The following DNAH8 variants were observed in gnomAD, a reference collection of about 807,000 sequenced individuals.
DNAH8 encodes the protein axonemal beta dynein heavy chain 8.
DNAH8 carries 382 observed loss-of-function variants against 562.1 expected under a neutral mutation model. The ratio of observed to expected loss-of-function variants is 0.68; its 90% CI spans 0.63 to 0.74. The LOEUF (loss-of-function observed/expected upper bound fraction) is 0.74, where lower values mean the gene tolerates loss of function less well. DNAH8 is among the 30% of genes least tolerant of loss of function. DNAH8 has a pLI of 0.00. For missense variants in DNAH8, 5,203 were observed against 5,620.4 expected (o/e 0.93, Z 2.37); for synonymous variants, 1,881 against 1,919.4 (o/e 0.98, Z 0.52).
intron 83 of DNAH8, among the ~76,000 whole-genome samples, chr6:38,972,438 A>T (rs1763410413): frequency 6.6e-6 from 1 of 152,166 alleles, no homozygotes; most frequent in African/African-American, 2.4e-5. Context: ...TTTATCACTT[A>T]ATTAAATTCA....
At chr6:38,818,074 GC>G (rs564027835) in intron 26 of DNAH8, among the ~76,000 whole-genome samples, 85 of 152,178 alleles carry the variant, frequency 5.6e-4, no homozygotes, top group African/African-American at 1.8e-3. Flanking sequence ...GGGATTTTGA[GC>G]TTTTGGGATT....
chr6:38,845,544 C>G (rs752942011), intron 35 of DNAH8, 30 bp from the exon 36 acceptor site: 1 of 1,574,378 alleles, frequency 6.4e-7, no homozygotes, highest in Non-Finnish European at 8.7e-7. Flanking sequence ...TTGAAAACAT[C>G]ATGACATATA....
Position 39,030,775 on chromosome 6 carries a change from A to G in DNAH8, c.*383A>G, listed in dbSNP as rs1767620096. 6.6e-6 allele frequency among the ~76,000 whole-genome samples: 1 copy of G among 152,194 alleles called. No individual in the cohort carries two copies. The highest frequency in any genetic ancestry group is 1.5e-5 in the Non-Finnish European group (1 of 68,038). ...AAGTAGGTACCAATTTCCCTTGAAT[A>G]AAATCTAGCCATGTCTATGTCTGTG... On this transcript the variant is annotated 3_prime_UTR_variant, in exon 93 of 93. Coordinates refer to ENST00000327475, the MANE Select transcript of DNAH8 (RefSeq NM_001206927.2).
intron 11 of DNAH8, chr6:38,763,935 A>G (rs1582939455): frequency 1.3e-5 from 2 of 153,876 alleles, no homozygotes; most frequent in Admixed American, 1.3e-4. Flanking sequence ...AGGAAGTTAA[A>G]TAAGGAGCAT....
intron 27 of DNAH8, 45 bp from the exon 28 acceptor site, chr6:38,823,517 T>A (rs760746985): frequency 6.8e-7 from 1 of 1,464,836 alleles, no homozygotes; most frequent in African/African-American, 1.4e-5. Flanking sequence ...ATGGTAAGAT[T>A]TATACTGTTA....
rs9366977 is a variant in DNAH8 at position 38,770,338 on chromosome 6, G to T, written c.1618-75G>T. 1,248 of 907,160 alleles carry T rather than the reference G, an allele frequency of 1.4e-3. 25 individuals are homozygous for T. The East Asian group carries it at 0.025, about 19-fold the overall frequency. The allele number at this position is 907,160 out of a possible 1,614,324, so 56.2% of individuals were successfully genotyped here. A position where few individuals can be genotyped will look rare whatever the true frequency, so the allele number is the denominator to read the frequency against. Reference sequence around the variant, plus strand: ...ACAGTTTGATCAGTTCTGTGTGAGGGTAGAGTTTTTGAATTTTCGATTCCT... The same window carrying T: ...ACAGTTTGATCAGTTCTGTGTGAGGTTAGAGTTTTTGAATTTTCGATTCCT... On this transcript the variant is annotated intron_variant, in intron 11 of 92. Transcript: ENST00000327475.
chr6:38,749,490 T>C (rs1398977402), intron 8 of DNAH8, among the ~76,000 whole-genome samples: 2 of 146,870 alleles, frequency 1.4e-5, no homozygotes. Context: ...ATATATACTA[T>C]GTAACAAACC....
chr6:38,789,725 C>A (rs1769519354), intron 18 of DNAH8, 78 bp from the exon 19 acceptor site: 1 of 1,093,352 alleles, frequency 9.1e-7, no homozygotes, highest in Non-Finnish European at 1.3e-6. Flanking sequence ...GATTATGAAA[C>A]CTTCCTGGAA....
At chr6:38,861,080 A>C (rs1267684918) in intron 43 of DNAH8, among the ~76,000 whole-genome samples, 1 of 152,222 alleles carries the variant, frequency 6.6e-6, no homozygotes, top group Non-Finnish European at 1.5e-5. Context: ...ACACTAGGCA[A>C]TTACTAGGTC....
chr6:38,848,908 G>A, intron 37 of DNAH8, 107 bp downstream of exon 37: 1 of 1,105,812 alleles, frequency 9.0e-7, no homozygotes, highest in Non-Finnish European at 1.3e-6. Context: ...GACTATGATG[G>A]GGTTTGGCAA....
At chr6:38,745,102 C>A (rs1158930946) in intron 8 of DNAH8, among the ~76,000 whole-genome samples, 1 of 152,154 alleles carries the variant, frequency 6.6e-6, no homozygotes, top group Non-Finnish European at 1.5e-5. Context: ...GTCCCCCAGA[C>A]AAAGAGCAGA....
chr6:38,976,089 T>A (rs1014482205), intron 85 of DNAH8, among the ~76,000 whole-genome samples: 6 of 152,168 alleles, frequency 3.9e-5, no homozygotes, highest in African/African-American at 1.4e-4. Flanking sequence ...ACCAGTGGAG[T>A]GTCCAGGAAT....
intron 38 of DNAH8, among the ~76,000 whole-genome samples, chr6:38,851,307 A>C (rs1246771332): frequency 6.6e-6 from 1 of 152,166 alleles, no homozygotes; most frequent in Non-Finnish European, 1.5e-5. Context: ...CAGTCTCAGA[A>C]AGGTCATAGG....
At chr6:38,832,294 T>C in intron 30 of DNAH8, 28 bp from the exon 31 acceptor site, 1 of 1,427,868 alleles carries the variant, frequency 7.0e-7, no homozygotes, top group Non-Finnish European at 9.9e-7. Context: ...ACTTTCACTC[T>C]CAGGTTGAAT....
intron 79 of DNAH8, among the ~76,000 whole-genome samples, chr6:38,943,588 T>C (rs1783623518): frequency 1.3e-5 from 2 of 152,316 alleles, no homozygotes; most frequent in South Asian, 4.1e-4. Flanking sequence ...AAAAATGAAA[T>C]GGATACCAGG....
intron 47 of DNAH8, among the ~76,000 whole-genome samples, chr6:38,867,625 C>T (rs1049008326): frequency 6.6e-6 from 1 of 150,936 alleles, no homozygotes; most frequent in Non-Finnish European, 1.5e-5. Context: ...TGGTGGCACG[C>T]GCCTATAATC....
intron 79 of DNAH8, among the ~76,000 whole-genome samples, chr6:38,940,396 G>A (rs1783343396): frequency 6.6e-6 from 1 of 152,168 alleles, no homozygotes; most frequent in South Asian, 2.1e-4. Context: ...GAGGAGGGTT[G>A]GAGTGGGGGA....
At chr6:39,022,607 C>T (rs996228479) in intron 91 of DNAH8, among the ~76,000 whole-genome samples, 2 of 152,248 alleles carry the variant, frequency 1.3e-5, no homozygotes, top group Non-Finnish European at 2.9e-5. Flanking sequence ...TTTGTCCCAC[C>T]TGGGGGTGCC....
chr6:38,759,036 G>T (rs1053478326), intron 10 of DNAH8, among the ~76,000 whole-genome samples: 5 of 152,112 alleles, frequency 3.3e-5, no homozygotes, highest in Admixed American at 3.3e-4. Context: ...AGGCATGGTG[G>T]TTCAGGCTGT....
Sources: gnomAD v4.1 joint callset for allele counts (sites outside exome capture counted in the v4.1 genomes callset) on GRCh38, gnomAD v4.1.1 for gene constraint, MANE v1.5 for transcripts, NCBI Gene and HGNC (gene_info 2026-07-23, HGNC 2026-07-21) for gene names.